The following KIF6 variants were observed in gnomAD, a reference collection of about 807,000 sequenced individuals.
The protein encoded by KIF6 is kinesin family member 6, also known as kinesin-like protein KIF6.
KIF6 carries 106 observed loss-of-function variants against 112.7 expected under a neutral mutation model. The observed-to-expected ratio is 0.94, with a 90% CI of 0.80 to 1.11. The LOEUF is 1.11. KIF6 is among the 50% of genes least tolerant of loss of function. The pLI is 0.00. For synonymous variants in KIF6, 339 were observed against 339.9 expected, an observed-to-expected ratio of 1.00 and a Z score of 0.03; for missense variants, 929 against 964.0, an observed-to-expected ratio of 0.96 and a Z score of 0.48.
chr6:39,490,864 C>T (rs1775442635), intron 13 of KIF6, among the ~76,000 whole-genome samples: 4 of 152,120 alleles, frequency 2.6e-5, no homozygotes, highest in South Asian at 4.1e-4. Flanking sequence ...GTAATAATAA[C>T]GAACTGAGTA....
intron 3 of KIF6, among the ~76,000 whole-genome samples, chr6:39,699,915 C>A (rs1350643836): frequency 6.6e-6 from 1 of 152,170 alleles, no homozygotes; most frequent in Non-Finnish European, 1.5e-5. Context: ...TTAGCAACTT[C>A]ATTTTCAATG....
In KIF6 at chr6:39,512,711, C is replaced by T. The variant is rs533659294; in HGVS notation, c.1645+27292G>A. Among the ~76,000 whole-genome samples the T allele has an allele frequency of 3.3e-5, 5 of 152,316 alleles. No individual in the cohort carries two copies. In the South Asian group the frequency reaches 8.3e-4, roughly 25 times the overall value. The stretch of plus-strand genomic sequence containing the variant: ...CCCTAAGCTTCAGTCACCTTGGCTG[C>T]GTCCCTGACATCTATCCTGGCTCCT... On this transcript the variant is annotated intron_variant, in intron 13 of 22. Transcript: ENST00000287152.
At chr6:39,725,121 T>C (rs1454034676) in intron 1 of KIF6, 124 bp downstream of exon 1, 5 of 683,782 alleles carry the variant, frequency 7.3e-6, no homozygotes, top group Admixed American at 3.7e-5. Context: ...GTGTGCGGGA[T>C]TCCGGGCGGC....
At chr6:39,669,009 T>C (rs920769895) in intron 3 of KIF6, among the ~76,000 whole-genome samples, 6 of 152,164 alleles carry the variant, frequency 3.9e-5, no homozygotes, top group Admixed American at 6.5e-5. Context: ...GTAACTTGAA[T>C]AAATTTATTT....
intron 3 of KIF6, among the ~76,000 whole-genome samples, chr6:39,665,903 A>G (rs1786438694): frequency 6.6e-6 from 1 of 152,194 alleles, no homozygotes; most frequent in Admixed American, 6.6e-5. Context: ...TCCATTCTGC[A>G]TACACTCATA....
chr6:39,485,215 C>A (rs977686930), intron 13 of KIF6, among the ~76,000 whole-genome samples: 1 of 152,166 alleles, frequency 6.6e-6, no homozygotes, highest in African/African-American at 2.4e-5. Context: ...GATCAGCCAC[C>A]TGCAGAGCCA....
chr6:39,596,263 A>G lies in KIF6; in HGVS notation c.640-3T>C, dbSNP rs1470128303. The G allele has an allele frequency of 1.2e-6, 2 of 1,603,844 alleles. No individual in the cohort carries two copies. Among genetic ancestry groups the G allele is most frequent in the Non-Finnish European group, 1.7e-6 (2 of 1,174,868 alleles). On this transcript the variant is annotated splice_polypyrimidine_tract_variant and splice_region_variant and intron_variant, in intron 6 of 22. Coordinates refer to ENST00000287152, the MANE Select transcript of KIF6 (RefSeq NM_145027.6). ...GTTGAAGCTTGGTTCATAGGAGTCT[A>G]TAAAAAAATTGCAAAACAAAAATTA...
At chr6:39,354,066 C>A in intron 19 of KIF6, 2 of 300,862 alleles carry the variant, frequency 6.6e-6, no homozygotes, top group South Asian at 3.0e-5. Flanking sequence ...TGAGAACGGT[C>A]ACGTGGACAT....
intron 16 of KIF6, among the ~76,000 whole-genome samples, chr6:39,382,382 A>C (rs1030324098): frequency 6.6e-6 from 1 of 152,154 alleles, no homozygotes; most frequent in African/African-American, 2.4e-5. Flanking sequence ...GTGTGAACTC[A>C]AGATTTAGCT....
intron 16 of KIF6, among the ~76,000 whole-genome samples, chr6:39,381,650 G>A (rs1458962651): frequency 1.3e-5 from 2 of 152,104 alleles, no homozygotes; most frequent in African/African-American, 4.8e-5. Context: ...GCGGCCACCT[G>A]GGACACACAA....
intron 13 of KIF6, among the ~76,000 whole-genome samples, chr6:39,468,556 G>A (rs1325265972): frequency 1.3e-5 from 2 of 152,092 alleles, no homozygotes; most frequent in Admixed American, 1.3e-4. Context: ...GAAGCCAATG[G>A]AATGACACAC....
chr6:39,462,207 T>G (rs1773520557), intron 13 of KIF6, among the ~76,000 whole-genome samples: 1 of 152,186 alleles, frequency 6.6e-6, no homozygotes, highest in Non-Finnish European at 1.5e-5. Flanking sequence ...GGAGGGGTAT[T>G]CTTGGAAGGC....
rs183970241 is a variant in KIF6, at chr6:39,536,327, T to C, written c.1645+3676A>G. Reference sequence around the variant, plus strand: ...ATTGATAGAACGCTAGCAAGACTAATAAAGAAAAAAAGAGAGAATAATCAA... The same window carrying C: ...ATTGATAGAACGCTAGCAAGACTAACAAAGAAAAAAAGAGAGAATAATCAA... On this transcript the variant is annotated intron_variant, in intron 13 of 22. Transcript: ENST00000287152. Among the ~76,000 whole-genome samples, 341 of 147,888 alleles carry C rather than the reference T, an allele frequency of 2.3e-3. 2 individuals carry two copies. Among genetic ancestry groups the C allele is most frequent in the African/African-American group, 5.9e-3 (237 of 40,070 alleles).
intron 3 of KIF6, chr6:39,690,238 A>T (rs922691199): frequency 6.6e-6 from 1 of 152,186 alleles, no homozygotes; most frequent in Non-Finnish European, 1.5e-5. Flanking sequence ...GGAGTTTTCA[A>T]TAATATATTA....
intron 19 of KIF6, among the ~76,000 whole-genome samples, chr6:39,356,269 C>T (rs1764679158): frequency 1.3e-5 from 2 of 151,142 alleles, no homozygotes; most frequent in Middle Eastern, 3.4e-3. Flanking sequence ...TGTCTGACAC[C>T]TTCTTCTTTT....
At chr6:39,353,847 AC>A (rs1345056134) in intron 19 of KIF6, 1 of 478,550 alleles carries the variant, frequency 2.1e-6, no homozygotes, top group Non-Finnish European at 3.7e-6. Flanking sequence ...TCAGGATGGC[AC>A]TATGCCAGCC....
intron 13 of KIF6, among the ~76,000 whole-genome samples, chr6:39,519,946 C>T (rs531385133): frequency 9.5e-4 from 144 of 152,142 alleles, no homozygotes; most frequent in African/African-American, 3.3e-3. Flanking sequence ...CGCTTGAACC[C>T]GGGGGGCAGA....
chr6:39,336,635 C>G, intron 22 of KIF6, 87 bp from the exon 23 acceptor site: 1 of 1,160,880 alleles, frequency 8.6e-7, no homozygotes, highest in Non-Finnish European at 1.3e-6. Flanking sequence ...GGGGAGGCCA[C>G]CAGCCACTCC....
At position 39,613,314 on chromosome 6, in the gene KIF6, C is replaced by T. The variant is rs1243145404; in HGVS notation, c.514G>A (p.Val172Met). 1 of 1,575,194 alleles carries T rather than the reference C, an allele frequency of 6.3e-7. No homozygotes were observed. Among genetic ancestry groups the T allele is most frequent in the Non-Finnish European group, 8.6e-7 (1 of 1,165,166 alleles). Reference protein sequence around the residue: ...EASSLEDLPKVTILEDPDQNI... With the variant: ...EASSLEDLPKMTILEDPDQNI... The stretch of plus-strand genomic sequence containing the variant: ...TGATCAGGATCCTCCAGTATTGTCA[C>T]TTTCCTAAGCAAATGGGAAGCAAGA... Residue 172 changes from valine to methionine, a missense_variant, in exon 6 of 23, where the codon GTG (valine) becomes ATG (methionine). Physicochemically the swap from Val to Met is conservative, Grantham distance 21. This residue lies in a region of KIF6 where 688 missense variants were observed against 662.7 expected (regional missense o/e 1.04). Transcript: ENST00000287152.
Sources: gnomAD v4.1 joint callset for allele counts (sites outside exome capture counted in the v4.1 genomes callset) on GRCh38, gnomAD v4.1.1 for gene constraint, gnomAD v4.1.1 regional missense constraint, MANE v1.5 for transcripts, NCBI Gene and HGNC (gene_info 2026-07-23, HGNC 2026-07-21) for gene names.